CBX5: variants seen among roughly 807,000 people sequenced by gnomAD.
CBX5 encodes the protein chromobox protein homolog 5.
Under a neutral mutation model 20.7 loss-of-function variants are expected in CBX5, and 7 were observed. The observed-to-expected ratio is 0.34, with a 90% CI of 0.19 to 0.63. The LOEUF (loss-of-function observed/expected upper bound fraction) is 0.63. Among genes scored for constraint, CBX5 ranks in the 30% least tolerant of loss-of-function variants. CBX5 has a pLI of 0.75. For missense variants in CBX5, 110 were observed against 224.1 expected, an observed-to-expected ratio of 0.49 and a Z score of 3.25; for synonymous variants, 78 against 77.0, an observed-to-expected ratio of 1.01 and a Z score of -0.07.
chr12:54,261,015 G>GC (rs932882244), intron 1 of CBX5, among the ~76,000 whole-genome samples: 5 of 151,768 alleles, frequency 3.3e-5, no homozygotes, highest in African/African-American at 1.2e-4. Flanking sequence ...ACATGGTGAC[G>GC]CCCCATCTCT....
chr12:54,278,068 C>T (rs1394750693), intron 1 of CBX5, among the ~76,000 whole-genome samples: 1 of 152,152 alleles, frequency 6.6e-6, no homozygotes, highest in African/African-American at 2.4e-5. Flanking sequence ...TATCCCCCAT[C>T]CCTACCTCCC....
intron 1 of CBX5, among the ~76,000 whole-genome samples, chr12:54,279,664 G>C (rs1592168041): frequency 6.6e-6 from 1 of 152,118 alleles, no homozygotes; most frequent in Admixed American, 6.5e-5. Context: ...TCCTGGAGAA[G>C]CCCAACCTAC....
At chr12:54,279,514 C>CCTCA (rs1276951649) in intron 1 of CBX5, among the ~76,000 whole-genome samples, 1 of 152,174 alleles carries the variant, frequency 6.6e-6, no homozygotes, top group Non-Finnish European at 1.5e-5. Context: ...AACCCCAAAT[C>CCTCA]GAAGACCTCC....
At chr12:54,262,326 A>G (rs1943921289) in intron 1 of CBX5, among the ~76,000 whole-genome samples, 1 of 152,228 alleles carries the variant, frequency 6.6e-6, no homozygotes, top group Non-Finnish European at 1.5e-5. Context: ...CCCACAAAAC[A>G]TCAGAAAATA....
intron 3 of CBX5, among the ~76,000 whole-genome samples, chr12:54,247,526 G>A (rs1342707548): frequency 6.6e-6 from 1 of 152,150 alleles, no homozygotes; most frequent in Non-Finnish European, 1.5e-5. Context: ...GTGAGAACCT[G>A]TCTCTTAAGA....
rs570449528 is a variant in CBX5 at position 54,264,046 on chromosome 12, TAA to T, written c.-42-6356_-42-6355del. Among the ~76,000 whole-genome samples the T allele has an allele frequency of 1.1e-4, 16 of 152,218 alleles. No individual in the cohort carries two copies. The South Asian group carries it at 3.1e-3, about 30-fold the overall frequency. ...AGACAGCGTGAGACTCCGTCTCAAA[TAA>T]AAAAGAGGTAATGGTTAGCCCTCAG... On this transcript the variant is annotated intron_variant, in intron 1 of 4. Coordinates refer to ENST00000209875, the MANE Select transcript of CBX5 (RefSeq NM_012117.3).
intron 1 of CBX5, chr12:54,272,019 GCA>G (rs1468298469): frequency 1.3e-5 from 2 of 152,306 alleles, no homozygotes; most frequent in Non-Finnish European, 1.5e-5. Context: ...GAGGTGAGTT[GCA>G]CAGATTTAGG....
chr12:54,265,698 A>G (rs1345955505), intron 1 of CBX5, among the ~76,000 whole-genome samples: 1 of 152,228 alleles, frequency 6.6e-6, no homozygotes, highest in Admixed American at 6.5e-5. Context: ...CATGGAGGCA[A>G]GAAATGTTCT....
intron 1 of CBX5, among the ~76,000 whole-genome samples, chr12:54,274,713 T>C (rs540415520): frequency 5.3e-5 from 8 of 151,838 alleles, no homozygotes; most frequent in African/African-American, 1.2e-4. Context: ...GCCGAGGCGG[T>C]TGGATCATGA....
rs757909869 is a variant in CBX5, at chr12:54,252,979, C to CAA, written c.138-754_138-753dup. 2.5e-3 allele frequency among the ~76,000 whole-genome samples: 114 copies of CAA among 46,466 alleles called. 1 individual carries two copies. The highest frequency in any genetic ancestry group is 3.3e-3 in the Admixed American group (15 of 4,592). 30.5% of individuals were successfully genotyped at this position (46,466 alleles called of 152,430 possible). On this transcript the variant is annotated intron_variant, in intron 2 of 4. Coordinates refer to ENST00000209875, the MANE Select transcript of CBX5 (RefSeq NM_012117.3). ...TGGGCGAAAAAGCCAGACTCTGTCTCAAAAAAAAAAAAAAAAAAAAAAGCA... is the reference window on the plus strand; with the variant it reads ...TGGGCGAAAAAGCCAGACTCTGTCTCAAAAAAAAAAAAAAAAAAAAAAAAGCA...
chr12:54,267,754 T>C lies in CBX5; in HGVS notation c.-42-10062A>G, dbSNP rs549262496. Among the ~76,000 whole-genome samples, 65 of 152,286 alleles carry C rather than the reference T, an allele frequency of 4.3e-4. 1 individual carries two copies. Among genetic ancestry groups the C allele is most frequent in the Non-Finnish European group, 5.9e-4 (40 of 68,016 alleles). ...ATGGTCTTGATCTCCTGACCTCGTGTTGTGATCCACTCACCCCGGCCTCCC... is the reference window on the plus strand; with the variant it reads ...ATGGTCTTGATCTCCTGACCTCGTGCTGTGATCCACTCACCCCGGCCTCCC... On this transcript the variant is annotated intron_variant, in intron 1 of 4. Coordinates refer to ENST00000209875, the MANE Select transcript of CBX5 (RefSeq NM_012117.3).
rs1943606825 is a variant in CBX5 at position 54,235,213 on chromosome 12, C to T, written c.*6542G>A. ...CAACATCCTTACGATCAGACTGTTT[C>T]TTAACCCAGCTACGCTTCGATGATT... is the stretch of plus-strand genomic sequence containing the variant. On this transcript the variant is annotated 3_prime_UTR_variant, in exon 5 of 5. Transcript: ENST00000209875. 6.6e-6 allele frequency: 1 copy of T among 152,200 alleles called. No individual in the cohort carries two copies. The highest frequency in any genetic ancestry group is 1.5e-5 in the Non-Finnish European group (1 of 68,044). 9.4% of individuals were successfully genotyped at this position (152,200 alleles called of 1,614,324 possible).
chr12:54,260,261 C>T (rs1017725605), intron 1 of CBX5, among the ~76,000 whole-genome samples: 8 of 151,310 alleles, frequency 5.3e-5, no homozygotes, highest in African/African-American at 1.7e-4. Context: ...GAGGCCGGGA[C>T]GGGGCAATCA....
chr12:54,246,570 A>G (rs1486528605), intron 3 of CBX5, among the ~76,000 whole-genome samples: 1 of 152,060 alleles, frequency 6.6e-6, no homozygotes, highest in Non-Finnish European at 1.5e-5. Context: ...TCACAAGCTC[A>G]GGAGTTCAAG....
Position 54,257,696 on chromosome 12 carries a change from C to T in CBX5, c.-42-4G>A, listed in dbSNP as rs1440489632. ...AAAGACTAAGGCCACCAGGTCCCTG[C>T]AAAGGCAAAGGACAAAATGGTTAGA... On this transcript the variant is annotated splice_polypyrimidine_tract_variant and splice_region_variant and intron_variant, in intron 1 of 4. Coordinates refer to ENST00000209875, the MANE Select transcript of CBX5 (RefSeq NM_012117.3). 6.2e-7 allele frequency: 1 copy of T among 1,610,034 alleles called. No individual in the cohort carries two copies. Among genetic ancestry groups the T allele is most frequent in the South Asian group, 1.1e-5 (1 of 90,748 alleles).
chr12:54,252,915 G>A (rs941021644), intron 2 of CBX5, among the ~76,000 whole-genome samples: 1 of 151,370 alleles, frequency 6.6e-6, no homozygotes, highest in African/African-American at 2.4e-5. Flanking sequence ...AGCCCGGGAA[G>A]GGGAGGTTGC....
Position 54,236,235 on chromosome 12 carries a change from ATTTT to A in CBX5, c.*5516_*5519del, listed in dbSNP as rs759926179. On this transcript the variant is annotated 3_prime_UTR_variant, in exon 5 of 5. Coordinates refer to ENST00000209875, the MANE Select transcript of CBX5 (RefSeq NM_012117.3). The stretch of plus-strand genomic sequence containing the variant: ...TTTATAGCATTTATTATACCAAACT[ATTTT>A]TTTTTTGAACAGAAACATAGCTTGT... 6.7e-6 allele frequency: 1 copy of A among 150,100 alleles called. No homozygotes were observed. Among genetic ancestry groups the A allele is most frequent in the Non-Finnish European group, 1.5e-5 (1 of 67,426 alleles). The allele number at this position is 150,100 out of a possible 1,614,324, so 9.3% of individuals were successfully genotyped here. A position where few individuals can be genotyped will look rare whatever the true frequency, so the allele number is the denominator to read the frequency against.
At chr12:54,278,688 G>A (rs1266403389) in intron 1 of CBX5, 1 of 152,216 alleles carries the variant, frequency 6.6e-6, no homozygotes, top group Non-Finnish European at 1.5e-5. Context: ...ACCAAAAGGA[G>A]ATAGACTGCA....
chr12:54,262,928 A>C (rs1943925015), intron 1 of CBX5: 1 of 152,242 alleles, frequency 6.6e-6, no homozygotes, highest in Non-Finnish European at 1.5e-5. Flanking sequence ...GGAAATCTCC[A>C]AGGGAAAGGG....
Sources: allele counts gnomAD v4.1 joint callset (sites outside exome capture counted in the v4.1 genomes callset), GRCh38; gene constraint gnomAD v4.1.1; transcripts MANE v1.5; gene names NCBI Gene and HGNC (gene_info 2026-07-23, HGNC 2026-07-21).